TRABD2B: variants seen among roughly 807,000 people sequenced by gnomAD.
The protein encoded by TRABD2B is metalloprotease TIKI2.
A neutral mutation model predicts 40.1 loss-of-function variants in TRABD2B; 14 were observed. The observed-to-expected ratio is 0.35, with a 90% CI of 0.23 to 0.55. The LOEUF is 0.55. TRABD2B is among the 20% of genes least tolerant of loss of function. The probability of loss-of-function intolerance (pLI) is 0.90; values close to 1 mark genes in which losing one functional copy is unlikely to be tolerated. For missense variants in TRABD2B, 541 were observed against 648.6 expected, an observed-to-expected ratio of 0.83 and a Z score of 1.80; for synonymous variants, 263 against 277.0, an observed-to-expected ratio of 0.95 and a Z score of 0.50.
chr1:47,836,050 C>T (rs1410024850), intron 2 of TRABD2B, among the ~76,000 whole-genome samples: 1 of 151,948 alleles, frequency 6.6e-6, no homozygotes, highest in Non-Finnish European at 1.5e-5. Flanking sequence ...GGAAAAGGAG[C>T]TACACAGAAA....
intron 2 of TRABD2B, among the ~76,000 whole-genome samples, chr1:47,865,371 C>T (rs1017669561): frequency 5.3e-5 from 8 of 151,966 alleles, no homozygotes; most frequent in Non-Finnish European, 1.2e-4. Flanking sequence ...CCCCACCTCT[C>T]GCAGTACTGA....
At chr1:47,951,881 G>A (rs1030442208) in intron 2 of TRABD2B, among the ~76,000 whole-genome samples, 1 of 152,224 alleles carries the variant, frequency 6.6e-6, no homozygotes, top group Non-Finnish European at 1.5e-5. Context: ...CACAAAGTGA[G>A]ATAATCACAG....
chr1:47,850,269 A>G (rs1483522235), intron 2 of TRABD2B, among the ~76,000 whole-genome samples: 1 of 152,220 alleles, frequency 6.6e-6, no homozygotes, highest in African/African-American at 2.4e-5. Context: ...AACCAAGAGG[A>G]CGTGTGATGG....
At chr1:47,802,113 G>A (rs553729947) in intron 2 of TRABD2B, among the ~76,000 whole-genome samples, 4 of 152,186 alleles carry the variant, frequency 2.6e-5, no homozygotes, top group Admixed American at 1.3e-4. Context: ...AAGGCCTGAG[G>A]AGCTCGGTCC....
intron 2 of TRABD2B, among the ~76,000 whole-genome samples, chr1:47,991,559 G>C (rs1251680493): frequency 6.6e-6 from 1 of 152,004 alleles, no homozygotes; most frequent in Non-Finnish European, 1.5e-5. Flanking sequence ...GCTTTTTCCA[G>C]GGTTCCAAAA....
rs1321514122 is a variant in TRABD2B at position 47,997,257 on chromosome 1, G to A, written c.-468C>T. The A allele has an allele frequency of 2.7e-5, 26 of 977,472 alleles. No homozygotes were observed. Among genetic ancestry groups the A allele is most frequent in the Non-Finnish European group, 2.7e-5 (22 of 824,374 alleles). 60.5% of individuals were successfully genotyped at this position (977,472 alleles called of 1,614,324 possible). A position where few individuals can be genotyped will look rare whatever the true frequency, so the allele number is the denominator to read the frequency against. On this transcript the variant is annotated 5_prime_UTR_variant, in exon 1 of 7. Transcript: ENST00000606738. Reference sequence around the variant, plus strand: ...GTGGGACAAGTGCGGCGGAAGGCGCGGCAGGGGTGGGGGGCGGCTCTGGGG... The same window carrying A: ...GTGGGACAAGTGCGGCGGAAGGCGCAGCAGGGGTGGGGGGCGGCTCTGGGG...
At chr1:47,887,849 C>T (rs867128688) in intron 2 of TRABD2B, among the ~76,000 whole-genome samples, 7 of 152,302 alleles carry the variant, frequency 4.6e-5, no homozygotes, top group Middle Eastern at 3.4e-3. Context: ...TCCCCGCCAC[C>T]CCTGACAGCT....
rs140835945 is a variant in TRABD2B at position 47,990,475 on chromosome 1, C to T, written c.666+3559G>A. On this transcript the variant is annotated intron_variant, in intron 2 of 6. Transcript: ENST00000606738. ...GGCTCACCGCCTCCTAATACTCCAACGTTCAACAAGGGATGACGAGTGGAT... is the reference window on the plus strand; with the variant it reads ...GGCTCACCGCCTCCTAATACTCCAATGTTCAACAAGGGATGACGAGTGGAT... Among the ~76,000 whole-genome samples, 425 of 152,164 alleles carry T rather than the reference C, an allele frequency of 2.8e-3. 2 individuals are homozygous for T. The highest frequency in any genetic ancestry group is 0.014 in the Middle Eastern group (4 of 294).
At chr1:47,905,583 T>TG (rs1644665441) in intron 2 of TRABD2B, among the ~76,000 whole-genome samples, 2 of 152,182 alleles carry the variant, frequency 1.3e-5, no homozygotes, top group African/African-American at 4.8e-5. Flanking sequence ...GGAAAAGAAA[T>TG]CTACATTTCC....
intron 2 of TRABD2B, among the ~76,000 whole-genome samples, chr1:47,902,591 G>T (rs1644616691): frequency 6.6e-6 from 1 of 152,164 alleles, no homozygotes; most frequent in Admixed American, 6.5e-5. Context: ...TGAACTCCTG[G>T]GCTCAAGTGA....
chr1:47,814,923 G>A (rs1046566500), intron 2 of TRABD2B, among the ~76,000 whole-genome samples: 1 of 152,240 alleles, frequency 6.6e-6, no homozygotes, highest in Non-Finnish European at 1.5e-5. Flanking sequence ...TGGAGACTCT[G>A]GCACTGCAAG....
chr1:47,918,177 C>T (rs1644854558), intron 2 of TRABD2B, among the ~76,000 whole-genome samples: 1 of 152,190 alleles, frequency 6.6e-6, no homozygotes, highest in African/African-American at 2.4e-5. Flanking sequence ...CCTGGCAGTA[C>T]CACACTGCAT....
intron 2 of TRABD2B, among the ~76,000 whole-genome samples, 169 bp downstream of exon 2, chr1:47,993,865 A>G (rs969776377): frequency 5.9e-5 from 9 of 152,316 alleles, no homozygotes; most frequent in African/African-American, 2.2e-4. Context: ...CTCAACTGAT[A>G]CCACCAGAGC....
chr1:47,881,871 C>G (rs765498666), intron 2 of TRABD2B, among the ~76,000 whole-genome samples: 3 of 152,206 alleles, frequency 2.0e-5, no homozygotes, highest in Non-Finnish European at 4.4e-5. Context: ...CATGAATCAA[C>G]ATGTCTCTGT....
intron 2 of TRABD2B, among the ~76,000 whole-genome samples, chr1:47,953,403 T>C (rs1339880243): frequency 6.6e-6 from 1 of 152,220 alleles, no homozygotes; most frequent in Non-Finnish European, 1.5e-5. Flanking sequence ...AGACACAGTT[T>C]TGCCCTAAAT....
At chr1:47,880,855 C>T (rs1644293285) in intron 2 of TRABD2B, among the ~76,000 whole-genome samples, 1 of 152,192 alleles carries the variant, frequency 6.6e-6, no homozygotes, top group Non-Finnish European at 1.5e-5. Context: ...CCCCCACTTG[C>T]TATCATTTGC....
chr1:47,829,849 C>T (rs1355595215), intron 2 of TRABD2B, among the ~76,000 whole-genome samples: 2 of 152,204 alleles, frequency 1.3e-5, no homozygotes, highest in Non-Finnish European at 2.9e-5. Context: ...TGTCACTGAA[C>T]ACTGGGGCCA....
At chr1:47,812,648 G>A (rs1027386249) in intron 2 of TRABD2B, among the ~76,000 whole-genome samples, 1 of 152,240 alleles carries the variant, frequency 6.6e-6, no homozygotes, top group African/African-American at 2.4e-5. Context: ...GAGGCCAGGA[G>A]TTCAAGGCTG....
intron 2 of TRABD2B, among the ~76,000 whole-genome samples, chr1:47,907,937 G>A (rs1015992775): frequency 6.6e-6 from 1 of 152,194 alleles, no homozygotes; most frequent in African/African-American, 2.4e-5. Flanking sequence ...CAAAGAGAGG[G>A]ACTAGGTAAA....
Sources: gnomAD v4.1 joint callset for allele counts (sites outside exome capture counted in the v4.1 genomes callset) on GRCh38, gnomAD v4.1.1 for gene constraint, MANE v1.5 for transcripts, NCBI Gene and HGNC (gene_info 2026-07-23, HGNC 2026-07-21) for gene names.